The following VSIG8 variants were observed in gnomAD, a reference collection of about 807,000 sequenced individuals.
VSIG8 encodes the protein V-set and immunoglobulin domain-containing protein 8.
VSIG8 carries 32 observed loss-of-function variants against 42.6 expected under a neutral mutation model. The observed-to-expected ratio is 0.75, with a 90% confidence interval of 0.57 to 1.01. The LOEUF (loss-of-function observed/expected upper bound fraction) is 1.01. VSIG8 is among the 50% of genes least tolerant of loss of function. The pLI, the probability that VSIG8 is intolerant of heterozygous loss-of-function variation, is 0.00. For synonymous variants in VSIG8, 290 were observed against 243.8 expected (o/e 1.19, Z -1.77); for missense variants, 529 against 558.0 (o/e 0.95, Z 0.52).
chr1:159,856,768 C>T, intron 4 of VSIG8, 125 bp from the exon 5 acceptor site: 2 of 1,114,506 alleles, frequency 1.8e-6, no homozygotes, highest in Non-Finnish European at 2.5e-6. Context: ...TGTACACCCA[C>T]ACCCACACAC....
chr1:159,858,651 T>TCTA, intron 2 of VSIG8, 83 bp downstream of exon 2: 1 of 1,489,400 alleles, frequency 6.7e-7, no homozygotes, highest in Non-Finnish European at 9.0e-7. Flanking sequence ...TCAAGGTCAG[T>TCTA]CTTCTCCCTT....
chr1:159,862,328 C>T, intron 1 of VSIG8, 145 bp downstream of exon 1: 1 of 789,826 alleles, frequency 1.3e-6, no homozygotes. Flanking sequence ...CTGGTAATAC[C>T]CACACCCGGC....
intron 1 of VSIG8, chr1:159,860,808 A>C (rs1428633927): frequency 3.3e-5 from 5 of 152,202 alleles, no homozygotes; most frequent in Admixed American, 3.3e-4. Flanking sequence ...CACAGGAAGG[A>C]CTCTCTCCAT....
chr1:159,857,191 G>A (rs978985421), intron 4 of VSIG8, among the ~76,000 whole-genome samples: 2 of 152,118 alleles, frequency 1.3e-5, no homozygotes, highest in African/African-American at 2.4e-5. Flanking sequence ...CAGGATTCAA[G>A]CCCAGCTCTG....
Position 159,861,629 on chromosome 1 carries a change from CTGAAAATG to C in VSIG8, c.49+836_49+843del, listed in dbSNP as rs145194654. The stretch of plus-strand genomic sequence containing the variant: ...ATACACATTCACGCTCACACAAAGG[CTGAAAATG>C]TCACCCCGCCTTCCCAAATTCCTCC... On this transcript the variant is annotated intron_variant, in intron 1 of 6. Transcript: ENST00000368100. 0.024 allele frequency: 3,667 copies of C among 152,366 alleles called. 311 individuals are homozygous for C. The East Asian group carries it at 0.28, about 12-fold the overall frequency. 9.4% of individuals were successfully genotyped at this position (152,366 alleles called of 1,614,324 possible).
rs772510529 is a variant in VSIG8 at position 159,857,934 on chromosome 1, C to G, written c.463G>C (p.Gly155Arg). ...RPAVPMCWTE[G>R]HMTYGNDVVL... ...ACATCGTTGCCATATGTCATGTGGC[C>G]CTCTGTCCAGCACATGGGCACTGCA... The change falls in exon 4 of 7, where the codon GGC (glycine) becomes CGC (arginine). Residue 155 changes from glycine to arginine, a missense_variant. By Grantham distance (125) the Gly-to-Arg change is moderately radical. Transcript: ENST00000368100. The G allele has an allele frequency of 1.5e-4, 246 of 1,614,138 alleles. 4 individuals are homozygous for G. The East Asian group carries it at 5.3e-3, about 35-fold the overall frequency.
intron 1 of VSIG8, among the ~76,000 whole-genome samples, 164 bp from the exon 2 acceptor site, chr1:159,859,076 C>T (rs149808538): frequency 7.2e-5 from 11 of 152,044 alleles, no homozygotes; most frequent in Non-Finnish European, 1.3e-4. Flanking sequence ...TGTGTGTGTG[C>T]ATGAATTGTC....
In VSIG8 at chr1:159,854,916, G is replaced by C; in HGVS notation, c.1082C>G (p.Ala361Gly). The change falls in exon 7 of 7, where the codon GCG becomes GGG. Residue 361 changes from alanine (A) to glycine (G), a missense_variant. Ala to Gly is a moderately conservative substitution (Grantham distance 60). Coordinates refer to ENST00000368100, the MANE Select transcript of VSIG8 (RefSeq NM_001013661.1). ...NVSRSLRRKY[A>G]PPPCGGPEDV... is the part of the protein sequence containing the mutation. The stretch of plus-strand genomic sequence containing the variant: ...CTCGGGGCCGCCGCAGGGGGGAGGC[G>C]CGTACTTGCGGCGCAGGGAGCGGCT... 6.7e-7 allele frequency: 1 copy of C among 1,498,226 alleles called. No homozygotes were observed. The highest frequency in any genetic ancestry group is 8.8e-7 in the Non-Finnish European group (1 of 1,131,420). The allele number at this position is 1,498,226 out of a possible 1,614,324, so 92.8% of individuals were successfully genotyped here.
chr1:159,855,903 G>A lies in VSIG8; in HGVS notation c.951C>T (p.Gly317=), dbSNP rs970394279. Residue 317 remains glycine, a synonymous_variant, in exon 6 of 7, where the codon GGC becomes GGT. Coordinates refer to ENST00000368100, the MANE Select transcript of VSIG8 (RefSeq NM_001013661.1). ...NGGGVGGGAC[G]DLASEIREDA... Reference sequence around the variant, plus strand: ...TTTACCTGATCTCACTAGCCAAGTCGCCGCAGGCCCCTCCGCCGACCCCGC... The same window carrying A: ...TTTACCTGATCTCACTAGCCAAGTCACCGCAGGCCCCTCCGCCGACCCCGC... 2 of 1,551,012 alleles carry A rather than the reference G, an allele frequency of 1.3e-6. No individual in the cohort carries two copies. The highest frequency in any genetic ancestry group is 1.7e-6 in the Non-Finnish European group (2 of 1,152,616).
At chr1:159,855,411 G>GC in intron 6 of VSIG8, 1 of 1,420,522 alleles carries the variant, frequency 7.0e-7, no homozygotes, top group Non-Finnish European at 9.2e-7. Context: ...CTCACCTCCT[G>GC]CCCCTCAGTC....
At chr1:159,860,212 A>C (rs1157859053) in intron 1 of VSIG8, among the ~76,000 whole-genome samples, 1 of 152,166 alleles carries the variant, frequency 6.6e-6, no homozygotes, top group Non-Finnish European at 1.5e-5. Flanking sequence ...CAATTACACC[A>C]TCACAGGCAA....
In VSIG8 at chr1:159,856,579, G is replaced by A; in HGVS notation, c.717C>T (p.Cys239=). 1 of 1,614,158 alleles carries A rather than the reference G, an allele frequency of 6.2e-7. No individual in the cohort carries two copies. The highest frequency in any genetic ancestry group is 8.5e-7 in the Non-Finnish European group (1 of 1,180,016). The part of the protein sequence containing the change: ...ISRADDGLYQ[C]TVANNVGYSV... ...TGTAGCCCACGTTGTTGGCCACTGTGCACTGATACAGCCCATCATCTGCTC... is the reference window on the plus strand; with the variant it reads ...TGTAGCCCACGTTGTTGGCCACTGTACACTGATACAGCCCATCATCTGCTC... The change falls in exon 5 of 7, where the codon TGC becomes TGT. Residue 239 remains cysteine (C), a synonymous_variant. Coordinates refer to ENST00000368100, the MANE Select transcript of VSIG8 (RefSeq NM_001013661.1).
At position 159,855,041 on chromosome 1, in the gene VSIG8, A is replaced by T; in HGVS notation, c.972-15T>A. The T allele has an allele frequency of 6.4e-7, 1 of 1,574,612 alleles. No homozygotes were observed. The highest frequency in any genetic ancestry group is 8.6e-7 in the Non-Finnish European group (1 of 1,160,910). On this transcript the variant is annotated splice_polypyrimidine_tract_variant and intron_variant, in intron 6 of 6. Coordinates refer to ENST00000368100, the MANE Select transcript of VSIG8 (RefSeq NM_001013661.1). ...CGGCGTCCTCTCTGTGGAAAACAACAGGCGGGCGGGTGAGCGGGCTGCTCC... is the reference window on the plus strand; with the variant it reads ...CGGCGTCCTCTCTGTGGAAAACAACTGGCGGGCGGGTGAGCGGGCTGCTCC...
Position 159,854,792 on chromosome 1 carries a change from G to A in VSIG8, c.1206C>T (p.Ala402=). ...CGTTCTTGCACTGCACCGGCCCCTC[G>A]GCGCAGTCAGCCGGCTCCGCGCTCT... ...KVKSAEPADC[A]EGPVQCKNGL... is the part of the protein sequence containing the mutation. Residue 402 remains alanine, a synonymous_variant, in exon 7 of 7, where the codon GCC becomes GCT. Transcript: ENST00000368100. 1 of 1,503,920 alleles carries A rather than the reference G, an allele frequency of 6.6e-7. No homozygotes were observed. The allele number at this position is 1,503,920 out of a possible 1,614,324, so 93.2% of individuals were successfully genotyped here. A position where few individuals can be genotyped will look rare whatever the true frequency, so the allele number is the denominator to read the frequency against.
intron 1 of VSIG8, 76 bp from the exon 2 acceptor site, chr1:159,858,988 C>A: frequency 1.3e-6 from 2 of 1,485,906 alleles, no homozygotes; most frequent in East Asian, 2.3e-5. Flanking sequence ...CAGCCCTTCC[C>A]TTCATATTCT....
At chr1:159,860,682 A>G (rs1423108790) in intron 1 of VSIG8, 1 of 152,260 alleles carries the variant, frequency 6.6e-6, no homozygotes, top group Non-Finnish European at 1.5e-5. Flanking sequence ...TTCCTGAGAT[A>G]AGGATCCTGC....
In VSIG8 at chr1:159,858,918, G is replaced by A. The variant is rs762119816; in HGVS notation, c.50-6C>T. ...CCGCACAGCAGACAGCAGTGCTAGG[G>A]GGAGGGCAGAGAAGATGGGGTGGTA... is the stretch of plus-strand genomic sequence containing the variant. On this transcript the variant is annotated splice_region_variant and splice_polypyrimidine_tract_variant and intron_variant, in intron 1 of 6. Coordinates refer to ENST00000368100, the MANE Select transcript of VSIG8 (RefSeq NM_001013661.1). 6.2e-7 allele frequency: 1 copy of A among 1,611,298 alleles called. No homozygotes were observed. The highest frequency in any genetic ancestry group is 8.5e-7 in the Non-Finnish European group (1 of 1,178,664).
chr1:159,854,475 ACT>A lies in VSIG8; in HGVS notation c.*276_*277del, dbSNP rs1648725713. On this transcript the variant is annotated 3_prime_UTR_variant, in exon 7 of 7. Transcript: ENST00000368100. ...CCTCCGGCCTCAGCCGCTCTAGGAC[ACT>A]CAGCCTCCTCCTCCCTCCCTCTCCC... 2 of 485,672 alleles carry A rather than the reference ACT, an allele frequency of 4.1e-6. No homozygotes were observed. The highest frequency in any genetic ancestry group is 6.3e-6 in the Non-Finnish European group (2 of 316,410). The allele number at this position is 485,672 out of a possible 1,614,324, so 30.1% of individuals were successfully genotyped here. A position where few individuals can be genotyped will look rare whatever the true frequency, so the allele number is the denominator to read the frequency against.
chr1:159,855,158 CCCTCGG>C (rs1471917271), intron 6 of VSIG8, 132 bp from the exon 7 acceptor site: 5 of 1,551,584 alleles, frequency 3.2e-6, no homozygotes, highest in Non-Finnish European at 4.4e-6. Context: ...TCGTCTCTCT[CCCTCGG>C]CCTCGACCTA....
Sources: allele counts gnomAD v4.1 joint callset (sites outside exome capture counted in the v4.1 genomes callset), GRCh38; gene constraint gnomAD v4.1.1; transcripts MANE v1.5; gene names NCBI Gene and HGNC (gene_info 2026-07-23, HGNC 2026-07-21).